PDE7B: variants seen among roughly 807,000 people sequenced by gnomAD.
PDE7B encodes phosphodiesterase 7B, also known as 3',5'-cyclic-AMP phosphodiesterase 7B.
PDE7B carries 29 observed loss-of-function variants against 56.2 expected under a neutral mutation model. The ratio of observed to expected loss-of-function variants is 0.52; its 90% CI spans 0.38 to 0.70. PDE7B has a LOEUF of 0.70. PDE7B is among the 30% of genes least tolerant of loss of function. The pLI, the probability that PDE7B is intolerant of heterozygous loss-of-function variation, is 0.00. For missense variants in PDE7B, 490 were observed against 565.0 expected (o/e 0.87, Z 1.35); for synonymous variants, 197 against 196.9 (o/e 1.00, Z 0.00).
chr6:136,156,683 A>G (rs1419132289), intron 8 of PDE7B, among the ~76,000 whole-genome samples: 2 of 152,232 alleles, frequency 1.3e-5, no homozygotes, highest in Non-Finnish European at 2.9e-5. Context: ...GCAATATCAC[A>G]TAGTACCATA....
chr6:136,040,471 A>G (rs1776395062), intron 2 of PDE7B, among the ~76,000 whole-genome samples: 1 of 152,100 alleles, frequency 6.6e-6, no homozygotes, highest in Admixed American at 6.5e-5. Context: ...CCTATTCCTG[A>G]TGCTGCATTT....
At chr6:135,912,910 G>T (rs1401622736) in intron 1 of PDE7B, among the ~76,000 whole-genome samples, 3 of 152,046 alleles carry the variant, frequency 2.0e-5, no homozygotes, top group African/African-American at 7.2e-5. Flanking sequence ...GAATTTAGGG[G>T]ATCAACCATC....
intron 2 of PDE7B, among the ~76,000 whole-genome samples, chr6:136,083,576 G>T (rs1409673233): frequency 6.6e-6 from 1 of 152,008 alleles, no homozygotes; most frequent in Non-Finnish European, 1.5e-5. Flanking sequence ...ACTGACCTGG[G>T]GATACTTCCC....
chr6:136,080,306 C>CA (rs1371185151), intron 2 of PDE7B, among the ~76,000 whole-genome samples: 2 of 152,326 alleles, frequency 1.3e-5, no homozygotes, highest in South Asian at 4.1e-4. Flanking sequence ...CCCCTACCCC[C>CA]AGCTTTAAAT....
chr6:136,022,127 T>C (rs992036805), intron 2 of PDE7B, among the ~76,000 whole-genome samples: 3 of 152,222 alleles, frequency 2.0e-5, no homozygotes, highest in Non-Finnish European at 4.4e-5. Flanking sequence ...TGCCTTCTTG[T>C]TGTCCTTAAT....
chr6:136,173,736 G>T (rs1361131980), intron 8 of PDE7B, 61 bp from the exon 9 acceptor site: 1 of 1,081,808 alleles, frequency 9.2e-7, no homozygotes, highest in Non-Finnish European at 1.4e-6. Flanking sequence ...GCTGTGTTCA[G>T]CATGAAAGAT....
intron 2 of PDE7B, among the ~76,000 whole-genome samples, chr6:136,067,547 C>G (rs1360647770): frequency 6.6e-6 from 1 of 152,172 alleles, no homozygotes; most frequent in African/African-American, 2.4e-5. Context: ...ACTTGACTAG[C>G]AATATCTAGG....
At chr6:135,905,335 CGTGT>C (rs1252297143) in intron 1 of PDE7B, among the ~76,000 whole-genome samples, 5 of 122,360 alleles carry the variant, frequency 4.1e-5, no homozygotes, top group African/African-American at 1.4e-4. Context: ...TACATACATG[CGTGT>C]GTGTGTGTAT....
intron 1 of PDE7B, among the ~76,000 whole-genome samples, chr6:135,899,721 A>G (rs1325077182): frequency 6.6e-6 from 1 of 151,894 alleles, no homozygotes; most frequent in Non-Finnish European, 1.5e-5. Context: ...TTGGATTTCT[A>G]ATTTTGTTTA....
intron 2 of PDE7B, among the ~76,000 whole-genome samples, chr6:136,001,852 C>T (rs1394538433): frequency 6.6e-6 from 1 of 151,796 alleles, no homozygotes; most frequent in Non-Finnish European, 1.5e-5. Context: ...ACAGAGAACG[C>T]CACAAAGATA....
chr6:136,113,479 TA>T (rs1777782326), intron 3 of PDE7B, among the ~76,000 whole-genome samples: 1 of 152,180 alleles, frequency 6.6e-6, no homozygotes, highest in African/African-American at 2.4e-5. Context: ...TCTGGATAAA[TA>T]GCAGGAAACT....
chr6:136,167,032 G>A (rs992560712), intron 8 of PDE7B, among the ~76,000 whole-genome samples: 6 of 151,910 alleles, frequency 3.9e-5, no homozygotes, highest in East Asian at 1.9e-4. Context: ...CTCCTCCCTT[G>A]AGGCCTTTGC....
At chr6:136,043,344 C>G (rs1352464220) in intron 2 of PDE7B, among the ~76,000 whole-genome samples, 1 of 152,048 alleles carries the variant, frequency 6.6e-6, no homozygotes, top group Non-Finnish European at 1.5e-5. Context: ...ACTGCTAACT[C>G]CAGCTCCCCA....
chr6:135,952,445 C>T (rs1328971511), intron 2 of PDE7B, among the ~76,000 whole-genome samples: 2 of 152,098 alleles, frequency 1.3e-5, no homozygotes, highest in Non-Finnish European at 2.9e-5. Context: ...CCTACAAGGT[C>T]GTGTGCTTAG....
chr6:135,856,138 C>T (rs1424509049), intron 1 of PDE7B, among the ~76,000 whole-genome samples: 1 of 152,100 alleles, frequency 6.6e-6, no homozygotes, highest in Admixed American at 6.6e-5. Context: ...ATTTTACCTC[C>T]AAGATAATCT....
intron 9 of PDE7B, among the ~76,000 whole-genome samples, chr6:136,178,702 A>T (rs1009516078): frequency 6.6e-6 from 1 of 152,202 alleles, no homozygotes; most frequent in Non-Finnish European, 1.5e-5. Context: ...TCCCTAAAAC[A>T]TGCATTTCTA....
chr6:136,087,888 G>A lies in PDE7B; in HGVS notation c.83-20843G>A, dbSNP rs146906757. ...GAAATTGGGAACATTCTTGCTCTTAGAACTATCTATCTTGGAAATTTAAAT... is the reference window on the plus strand; with the variant it reads ...GAAATTGGGAACATTCTTGCTCTTAAAACTATCTATCTTGGAAATTTAAAT... On this transcript the variant is annotated intron_variant, in intron 2 of 12. Transcript: ENST00000308191. Among the ~76,000 whole-genome samples the A allele has an allele frequency of 8.5e-3, 1,288 of 152,232 alleles. 11 individuals carry two copies. The highest frequency in any genetic ancestry group is 0.014 in the Middle Eastern group (4 of 294).
chr6:135,912,250 C>G (rs1417693412), intron 1 of PDE7B, among the ~76,000 whole-genome samples: 1 of 151,958 alleles, frequency 6.6e-6, no homozygotes, highest in Non-Finnish European at 1.5e-5. Flanking sequence ...TCCACATCAG[C>G]AGATTCAACC....
At chr6:135,880,968 A>G (rs763387447) in intron 1 of PDE7B, among the ~76,000 whole-genome samples, 4 of 152,168 alleles carry the variant, frequency 2.6e-5, no homozygotes, top group Non-Finnish European at 5.9e-5. Context: ...TTTCTTTTCT[A>G]GGCAAGAGTC....
Sources: gnomAD v4.1 joint callset for allele counts (sites outside exome capture counted in the v4.1 genomes callset) on GRCh38, gnomAD v4.1.1 for gene constraint, MANE v1.5 for transcripts, NCBI Gene and HGNC (gene_info 2026-07-23, HGNC 2026-07-21) for gene names.